The following AMZ2 variants were observed in gnomAD, a reference collection of about 807,000 sequenced individuals.
AMZ2 encodes the protein archaemetzincin-2.
Under a neutral mutation model 36.7 loss-of-function variants are expected in AMZ2, and 26 were observed. The observed-to-expected ratio is 0.71, with a 90% CI of 0.52 to 0.98. The LOEUF (loss-of-function observed/expected upper bound fraction) is 0.98, where lower values mean the gene tolerates loss of function less well. AMZ2 is among the 50% of genes least tolerant of loss of function. The probability of loss-of-function intolerance (pLI) is 0.00; values close to 1 mark genes in which losing one functional copy is unlikely to be tolerated. For missense variants in AMZ2, 394 were observed against 430.5 expected, an observed-to-expected ratio of 0.92 and a Z score of 0.75; for synonymous variants, 144 against 149.1, an observed-to-expected ratio of 0.97 and a Z score of 0.25.
chr17:68,235,550 T>C lies in AMZ2; in HGVS notation c.-66-13090T>C, dbSNP rs545079684. On this transcript the variant is annotated intron_variant, in intron 1 of 7. Transcript: ENST00000674770. The surrounding 1 kb of genome is among the most constrained non-coding windows in gnomAD (Gnocchi z 4.2). ...AGCCTCAGGAACACTGCAAAGTAGGTTGGCTTCCCCCTTACGGAGCCCCTA... is the reference window on the plus strand; with the variant it reads ...AGCCTCAGGAACACTGCAAAGTAGGCTGGCTTCCCCCTTACGGAGCCCCTA... Among the ~76,000 whole-genome samples, 15 of 152,146 alleles carry C rather than the reference T, an allele frequency of 9.9e-5. No individual in the cohort carries two copies. Among genetic ancestry groups the C allele is most frequent in the African/African-American group, 3.4e-4 (14 of 41,510 alleles).
At position 68,224,812 on chromosome 17, in the gene AMZ2, C is replaced by T. The variant is rs531279836; in HGVS notation, c.-67+18574C>T. On this transcript the variant is annotated intron_variant, in intron 1 of 7. Coordinates refer to the AMZ2 transcript ENST00000674770. ...TTTTTCACTCCCTTTTTTTTGCCTG[C>T]CTTCTTTCCTCTCTATCTATCATCC... Among the ~76,000 whole-genome samples, 78 of 150,956 alleles carry T rather than the reference C, an allele frequency of 5.2e-4. 1 individual carries two copies. In the South Asian group the frequency reaches 0.016, roughly 31 times the overall value.
intron 1 of AMZ2, 66 bp from the exon 2 acceptor site, chr17:68,250,122 A>C: frequency 6.7e-7 from 1 of 1,499,968 alleles, no homozygotes; most frequent in Non-Finnish European, 9.0e-7. Context: ...TGAAATATAG[A>C]GGATAGGTAA....
intron 1 of AMZ2, among the ~76,000 whole-genome samples, chr17:68,233,411 A>G (rs1555731742): frequency 6.6e-6 from 1 of 151,374 alleles, no homozygotes; most frequent in Non-Finnish European, 1.5e-5. Flanking sequence ...CGGGAGGCTG[A>G]GGCAGGAGAA....
At chr17:68,250,047 A>T (rs146963365) in intron 1 of AMZ2, 141 bp from the exon 2 acceptor site, 1 of 857,960 alleles carries the variant, frequency 1.2e-6, no homozygotes, top group Non-Finnish European at 1.7e-6. Context: ...TGAGGAAACC[A>T]CTCTAAGTGT....
chr17:68,208,414 C>T (rs1312067932), intron 1 of AMZ2, among the ~76,000 whole-genome samples: 1 of 152,192 alleles, frequency 6.6e-6, no homozygotes, highest in Non-Finnish European at 1.5e-5. Context: ...TTTGTGAATG[C>T]ACCAATCGAC....
intron 1 of AMZ2, among the ~76,000 whole-genome samples, chr17:68,211,746 GTA>G (rs1392432414): frequency 7.4e-6 from 1 of 135,942 alleles, no homozygotes; most frequent in Non-Finnish European, 1.5e-5. Flanking sequence ...ATGTGTATAT[GTA>G]TATATGTATA....
intron 1 of AMZ2, among the ~76,000 whole-genome samples, chr17:68,214,212 T>G (rs2073138724): frequency 6.6e-6 from 1 of 152,158 alleles, no homozygotes; most frequent in Non-Finnish European, 1.5e-5. Context: ...GCCTTATCAA[T>G]TTTGACTTAA....
intron 5 of AMZ2, among the ~76,000 whole-genome samples, chr17:68,255,238 C>T (rs1420699691): frequency 7.9e-5 from 12 of 152,212 alleles, no homozygotes; most frequent in Non-Finnish European, 4.4e-5. Flanking sequence ...CTGAAATCAG[C>T]ATCTCTAGGG....
chr17:68,252,020 C>CTTT (rs77277694), intron 4 of AMZ2, among the ~76,000 whole-genome samples: 5 of 144,328 alleles, frequency 3.5e-5, no homozygotes, highest in African/African-American at 1.3e-4. Context: ...TATTTTTAAC[C>CTTT]TTTTTTTTTT....
intron 1 of AMZ2, among the ~76,000 whole-genome samples, chr17:68,211,018 C>A (rs1162340228): frequency 6.6e-6 from 1 of 150,914 alleles, no homozygotes; most frequent in Non-Finnish European, 1.5e-5. Flanking sequence ...CCACAATTTT[C>A]AAAAATTATT....
rs1197246844 is a variant in AMZ2, at chr17:68,257,102, G to A, written c.*133G>A. 9.4e-6 allele frequency: 8 copies of A among 854,758 alleles called. No individual in the cohort carries two copies. The highest frequency in any genetic ancestry group is 1.4e-5 in the Non-Finnish European group (8 of 579,798). The allele number at this position is 854,758 out of a possible 1,614,324, so 52.9% of individuals were successfully genotyped here. On this transcript the variant is annotated 3_prime_UTR_variant, in exon 7 of 7. Transcript: ENST00000359904. ...GTAACAGACTAGAACCTTCTTTCAA[G>A]TACCTGAATTGAAATGAAACTCATT...
chr17:68,221,209 T>C (rs868920621), intron 1 of AMZ2, among the ~76,000 whole-genome samples: 1,804 of 66,428 alleles, frequency 0.027, 14 homozygotes, highest in African/African-American at 0.054. Flanking sequence ...AGCCCTCAGC[T>C]CCCCCCCCCG....
intron 1 of AMZ2, among the ~76,000 whole-genome samples, chr17:68,240,483 A>C (rs1442293511): frequency 6.6e-6 from 1 of 152,244 alleles, no homozygotes. Context: ...AAAATGTGAG[A>C]GAGAGGAAAA....
intron 5 of AMZ2, among the ~76,000 whole-genome samples, chr17:68,254,917 C>T (rs1305970021): frequency 2.6e-5 from 4 of 152,202 alleles, no homozygotes; most frequent in African/African-American, 7.2e-5. Context: ...AGAACCTCTG[C>T]TCTGGCCTCT....
At position 68,248,352 on chromosome 17, in the gene AMZ2, C is replaced by T. The variant is rs2074169563; in HGVS notation, c.-354C>T. 1.0e-6 allele frequency: 1 copy of T among 985,946 alleles called. No homozygotes were observed. Among genetic ancestry groups the T allele is most frequent in the African/African-American group, 1.7e-5 (1 of 57,252 alleles). 61.1% of individuals were successfully genotyped at this position (985,946 alleles called of 1,614,324 possible). On this transcript the variant is annotated 5_prime_UTR_variant, in exon 1 of 7. Transcript: ENST00000359904. ...TCCCTGGGGAACCCCCACTCCACTC[C>T]CAGCTGGAGACTGGGTTGTGTCTGC...
chr17:68,240,775 G>GGAACA (rs879995496), intron 1 of AMZ2, among the ~76,000 whole-genome samples: 11 of 152,178 alleles, frequency 7.2e-5, no homozygotes, highest in Admixed American at 6.5e-4. Context: ...GAACATCTCA[G>GGAACA]TAGCAACATT....
chr17:68,231,630 G>A (rs186776786), intron 1 of AMZ2, among the ~76,000 whole-genome samples: 840 of 37,064 alleles, frequency 0.023, 282 homozygotes, highest in Non-Finnish European at 0.03. Flanking sequence ...GTAGTAGTAC[G>A]AGTTTTCCTT....
chr17:68,211,798 G>A (rs58421534), intron 1 of AMZ2, among the ~76,000 whole-genome samples: 1,775 of 60,894 alleles, frequency 0.029, 87 homozygotes, highest in East Asian at 0.058. Flanking sequence ...ATGTATATAT[G>A]TGTATATGTA....
At chr17:68,224,783 C>T (rs1555729458) in intron 1 of AMZ2, among the ~76,000 whole-genome samples, 1 of 151,956 alleles carries the variant, frequency 6.6e-6, no homozygotes, top group Non-Finnish European at 1.5e-5. Flanking sequence ...TTTTTATCTG[C>T]TTCTTTTTCA....
Sources: allele counts gnomAD v4.1 joint callset (sites outside exome capture counted in the v4.1 genomes callset), GRCh38; gene constraint gnomAD v4.1.1; non-coding constraint Gnocchi (gnomAD v3.1); transcripts MANE v1.5; gene names NCBI Gene and HGNC (gene_info 2026-07-23, HGNC 2026-07-21).